The following PTPRD variants were observed in gnomAD, a reference collection of about 807,000 sequenced individuals.
The protein encoded by PTPRD is receptor-type tyrosine-protein phosphatase delta.
PTPRD carries 34 observed loss-of-function variants against 214.5 expected under a neutral mutation model. The ratio of observed to expected loss-of-function variants is 0.16; its 90% CI spans 0.12 to 0.21. PTPRD has a LOEUF of 0.21. Among genes scored for constraint, PTPRD ranks in the 10% least tolerant of loss-of-function variants. The pLI, the probability that PTPRD is intolerant of heterozygous loss-of-function variation, is 1.00. For synonymous variants in PTPRD, 1,128 were observed against 845.7 expected (o/e 1.33, Z -5.79); for missense variants, 2,545 against 2,398.7 (o/e 1.06, Z -1.27).
intron 11 of PTPRD, among the ~76,000 whole-genome samples, chr9:8,984,482 A>G (rs2099329398): frequency 6.6e-6 from 1 of 152,126 alleles, no homozygotes; most frequent in Non-Finnish European, 1.5e-5. Context: ...AAAGCATCAT[A>G]CTGATGGAAA....
intron 2 of PTPRD, among the ~76,000 whole-genome samples, chr9:10,416,215 A>C (rs10809090): frequency 0.55 from 83,296 of 151,326 alleles, 25,576 homozygotes; most frequent in Non-Finnish European, 0.71. Flanking sequence ...AAAATTAGCC[A>C]GGCATGGTGG....
At chr9:8,411,077 A>C (rs560364413) in intron 35 of PTPRD, among the ~76,000 whole-genome samples, 1 of 152,022 alleles carries the variant, frequency 6.6e-6, no homozygotes, top group African/African-American at 2.4e-5. Flanking sequence ...AACAACAACA[A>C]AACCAAAAAT....
intron 9 of PTPRD, among the ~76,000 whole-genome samples, chr9:9,268,990 A>AC (rs1941546619): frequency 6.6e-6 from 1 of 151,032 alleles, no homozygotes; most frequent in African/African-American, 2.4e-5. Context: ...AGGCAAAAAA[A>AC]AAACCAAAAA....
At chr9:8,535,054 G>A (rs10977186) in intron 14 of PTPRD, among the ~76,000 whole-genome samples, 3 of 151,740 alleles carry the variant, frequency 2.0e-5, no homozygotes, top group Admixed American at 6.6e-5. Flanking sequence ...TGTATCTGCA[G>A]GATAATTAGC....
At chr9:10,122,746 C>T (rs1173065107) in intron 3 of PTPRD, among the ~76,000 whole-genome samples, 1 of 152,110 alleles carries the variant, frequency 6.6e-6, no homozygotes, top group African/African-American at 2.4e-5. Context: ...TACAAATATC[C>T]TTAGGCCTCA....
chr9:8,923,931 T>G (rs2098845707), intron 11 of PTPRD, among the ~76,000 whole-genome samples: 2 of 152,316 alleles, frequency 1.3e-5, no homozygotes, highest in African/African-American at 2.4e-5. Context: ...AAGCTTCCAA[T>G]TGTTTTAATT....
intron 35 of PTPRD, among the ~76,000 whole-genome samples, chr9:8,420,291 G>GA (rs1420937570): frequency 6.6e-6 from 1 of 152,156 alleles, no homozygotes; most frequent in Non-Finnish European, 1.5e-5. Flanking sequence ...TGTTTTATGA[G>GA]ATGAGCTGAA....
chr9:9,627,281 T>C (rs1375009528), intron 7 of PTPRD, among the ~76,000 whole-genome samples: 4 of 152,172 alleles, frequency 2.6e-5, no homozygotes, highest in Non-Finnish European at 5.9e-5. Context: ...CACTACAACA[T>C]GGGCGACAGA....
At chr9:8,725,680 A>T (rs2098549386) in intron 12 of PTPRD, among the ~76,000 whole-genome samples, 1 of 152,124 alleles carries the variant, frequency 6.6e-6, no homozygotes, top group Admixed American at 6.6e-5. Context: ...TGCTTTACAA[A>T]CAGTTATTTC....
chr9:8,364,858 A>C (rs941313579), intron 39 of PTPRD, among the ~76,000 whole-genome samples: 12 of 152,112 alleles, frequency 7.9e-5, no homozygotes, highest in African/African-American at 2.9e-4. Context: ...TGGGATGCTT[A>C]ATTGGGTCTA....
chr9:9,289,743 T>C (rs1191307889), intron 9 of PTPRD, among the ~76,000 whole-genome samples: 1 of 151,800 alleles, frequency 6.6e-6, no homozygotes, highest in Non-Finnish European at 1.5e-5. Flanking sequence ...TATTTCACTT[T>C]ACATAACGTC....
intron 3 of PTPRD, among the ~76,000 whole-genome samples, chr9:10,211,880 A>C (rs980342565): frequency 6.6e-6 from 1 of 152,140 alleles, no homozygotes; most frequent in Non-Finnish European, 1.5e-5. Context: ...GGTTGCACTA[A>C]AAGCCCAGAC....
chr9:10,528,506 C>CA (rs1237630532), intron 2 of PTPRD, among the ~76,000 whole-genome samples: 1 of 152,074 alleles, frequency 6.6e-6, no homozygotes, highest in African/African-American at 2.4e-5. Context: ...ACAAGAATGT[C>CA]AAATTTAGGA....
intron 5 of PTPRD, among the ~76,000 whole-genome samples, chr9:9,870,778 T>C (rs903841656): frequency 6.6e-6 from 1 of 151,984 alleles, no homozygotes; most frequent in Admixed American, 6.6e-5. Context: ...ATACACACAC[T>C]CCAGGGGAAA....
chr9:10,586,156 T>C (rs1387815439), intron 2 of PTPRD, among the ~76,000 whole-genome samples: 5 of 151,984 alleles, frequency 3.3e-5, no homozygotes, highest in Non-Finnish European at 5.9e-5. Flanking sequence ...GAGAATCCTG[T>C]TGTTGTTTAT....
intron 10 of PTPRD, among the ~76,000 whole-genome samples, chr9:9,131,617 C>T (rs1303100661): frequency 3.3e-5 from 5 of 152,160 alleles, no homozygotes; most frequent in Non-Finnish European, 7.3e-5. Context: ...GTAATAGTTA[C>T]TTGGACTTTG....
chr9:9,853,206 AG>A (rs935296683), intron 5 of PTPRD, among the ~76,000 whole-genome samples: 2 of 152,252 alleles, frequency 1.3e-5, no homozygotes, highest in African/African-American at 4.8e-5. Flanking sequence ...CTTTATTGCA[AG>A]TACTCAACTC....
rs543056786 is a variant in PTPRD at position 9,995,114 on chromosome 9, GA to G, written c.-472+38603del. On this transcript the variant is annotated intron_variant, in intron 4 of 45. Transcript: ENST00000381196. The stretch of plus-strand genomic sequence containing the variant: ...CTATGTAGAAACATACAATTAAAGG[GA>G]AAAATATTATTCTGGCTACTTTTTG... Among the ~76,000 whole-genome samples the G allele has an allele frequency of 4.5e-4, 69 of 152,092 alleles. No homozygotes were observed. The South Asian group carries it at 0.014, about 31-fold the overall frequency.
chr9:10,050,002 C>T (rs1241374976), intron 3 of PTPRD, among the ~76,000 whole-genome samples: 2 of 152,100 alleles, frequency 1.3e-5, no homozygotes, highest in East Asian at 1.9e-4. Context: ...TTTACTTTTT[C>T]ATCAGGAAGA....
Sources: gnomAD v4.1 joint callset for allele counts (sites outside exome capture counted in the v4.1 genomes callset) on GRCh38, gnomAD v4.1.1 for gene constraint, MANE v1.5 for transcripts, NCBI Gene and HGNC (gene_info 2026-07-23, HGNC 2026-07-21) for gene names.